The following DHRSX variants were observed in gnomAD, a reference collection of about 807,000 sequenced individuals.
DHRSX encodes dehydrogenase/reductase X-linked.
Under a neutral mutation model 34.0 loss-of-function variants are expected in DHRSX, and 31 were observed. The ratio of observed to expected loss-of-function variants is 0.91; its 90% confidence interval spans 0.69 to 1.23. The LOEUF (loss-of-function observed/expected upper bound fraction) is 1.23. Ranked by LOEUF, DHRSX falls within the 50% of genes most tolerant of loss-of-function variation. The pLI is 0.00. For synonymous variants in DHRSX, 201 were observed against 183.8 expected (o/e 1.09, Z -0.76); for missense variants, 414 against 428.1 (o/e 0.97, Z 0.29).
At position 2,363,338 on chromosome X, in the gene DHRSX, T is replaced by C. The variant is rs866889957; in HGVS notation, c.286+45407A>G. On this transcript the variant is annotated intron_variant, in intron 3 of 6. Transcript: ENST00000334651. The stretch of plus-strand genomic sequence containing the variant: ...TGGTATCATGCCTCCATTTTATCAC[T>C]GTTCTATATCATGCCTCCATTTTAT... 9.4e-4 allele frequency among the ~76,000 whole-genome samples: 131 copies of C among 139,712 alleles called. 3 individuals carry two copies. Among genetic ancestry groups the C allele is most frequent in the East Asian group, 7.0e-3 (25 of 3,582 alleles). 91.7% of individuals were successfully genotyped at this position (139,712 alleles called of 152,430 possible). A position where few individuals can be genotyped will look rare whatever the true frequency, so the allele number is the denominator to read the frequency against.
intron 3 of DHRSX, among the ~76,000 whole-genome samples, chrX:2,322,555 C>CAAAAAAAAAAAAAAAA (rs752649879): frequency 2.4e-5 from 3 of 123,196 alleles, no homozygotes; most frequent in African/African-American, 9.1e-5. Flanking sequence ...AACTCCATCT[C>CAAAAAAAAAAAAAAAA]AAAAAAAAAA....
At chrX:2,410,490 C>A (rs368047990) in intron 2 of DHRSX, among the ~76,000 whole-genome samples, 36 of 152,260 alleles carry the variant, frequency 2.4e-4, no homozygotes, top group African/African-American at 8.2e-4. Flanking sequence ...GCACCGTCCC[C>A]GGGTCTCCAT....
intron 4 of DHRSX, among the ~76,000 whole-genome samples, chrX:2,282,878 A>C (rs2041744186): frequency 7.8e-6 from 1 of 128,618 alleles, no homozygotes; most frequent in Non-Finnish European, 1.6e-5. Flanking sequence ...AGAGGGGGAG[A>C]GAGGGAGGGA....
In DHRSX at chrX:2,470,409, A is replaced by G. The variant is rs778502462; in HGVS notation, c.109+30408T>C. Among the ~76,000 whole-genome samples, 353 of 151,992 alleles carry G rather than the reference A, an allele frequency of 2.3e-3. 6 individuals are homozygous for G. Among genetic ancestry groups the G allele is most frequent in the African/African-American group, 7.2e-3 (300 of 41,456 alleles). ...AAACCCTATCTCTAAACAAATAAAAAAAAAACTGAAAAAATTAACTGGATA... is the reference window on the plus strand; with the variant it reads ...AAACCCTATCTCTAAACAAATAAAAGAAAAACTGAAAAAATTAACTGGATA... On this transcript the variant is annotated intron_variant, in intron 1 of 6. Transcript: ENST00000334651.
At chrX:2,473,681 C>T (rs1337925047) in intron 1 of DHRSX, among the ~76,000 whole-genome samples, 1 of 140,728 alleles carries the variant, frequency 7.1e-6, no homozygotes, top group Non-Finnish European at 1.5e-5. Flanking sequence ...GGACACAAGC[C>T]CCTTCCACCC....
intron 3 of DHRSX, among the ~76,000 whole-genome samples, chrX:2,363,299 T>C (rs1400568969): frequency 6.8e-6 from 1 of 146,460 alleles, no homozygotes; most frequent in Non-Finnish European, 1.5e-5. Context: ...TCATGCCATT[T>C]TATCACCGTT....
chrX:2,272,052 T>G (rs2041563554), intron 4 of DHRSX, among the ~76,000 whole-genome samples: 1 of 151,530 alleles, frequency 6.6e-6, no homozygotes, highest in Non-Finnish European at 1.5e-5. Context: ...CAAAAAAACA[T>G]ACCTGCACCT....
In DHRSX at chrX:2,291,515, G is replaced by A. The variant is rs779369948; in HGVS notation, c.375C>T (p.Val125=). 33 of 1,613,416 alleles carry A rather than the reference G, an allele frequency of 2.0e-5. No homozygotes were observed. Among genetic ancestry groups the A allele is most frequent in the Non-Finnish European group, 2.7e-5 (32 of 1,179,538 alleles). The change falls in exon 4 of 7, where the codon GTC becomes GTT. Residue 125 remains valine (V), a synonymous_variant. Coordinates refer to ENST00000334651, the MANE Select transcript of DHRSX (RefSeq NM_145177.3). ...KFKMKKIPLH[V]LINNAGVMMV... Reference sequence around the variant, plus strand: ...ACCAGGACTCACCATTGTTGATCAGGACATGGAGAGGAATCTTCTTCATCT... The same window carrying A: ...ACCAGGACTCACCATTGTTGATCAGAACATGGAGAGGAATCTTCTTCATCT...
intron 3 of DHRSX, among the ~76,000 whole-genome samples, chrX:2,397,918 T>A (rs1276574279): frequency 7.9e-6 from 1 of 127,032 alleles, no homozygotes; most frequent in African/African-American, 3.4e-5. Context: ...AGTGCCAATA[T>A]CCTCAGAGCG....
chrX:2,498,811 T>C (rs971887020), intron 1 of DHRSX, among the ~76,000 whole-genome samples: 10 of 152,098 alleles, frequency 6.6e-5, no homozygotes, highest in African/African-American at 2.4e-4. Flanking sequence ...CATAATCTTC[T>C]GCGAGACTCC....
intron 1 of DHRSX, chrX:2,489,511 G>A (rs1343134070): frequency 1.3e-5 from 21 of 1,613,216 alleles, no homozygotes; most frequent in Admixed American, 1.7e-5. Flanking sequence ...CCTGCTTGAA[G>A]GGCTGCAGGA....
chrX:2,324,961 A>G (rs1160635635), intron 3 of DHRSX, among the ~76,000 whole-genome samples: 1 of 111,224 alleles, frequency 9.0e-6, no homozygotes, highest in South Asian at 2.8e-4. Flanking sequence ...TTTTTTTTTT[A>G]GTAGAGACGC....
intron 3 of DHRSX, among the ~76,000 whole-genome samples, chrX:2,316,981 G>A (rs1252655827): frequency 3.3e-5 from 5 of 152,044 alleles, no homozygotes; most frequent in Admixed American, 6.6e-5. Flanking sequence ...TTTTTGAGAC[G>A]GAGTCTCCCT....
At position 2,310,544 on chromosome X, in the gene DHRSX, ATGTG is replaced by A. The variant is rs1385229424; in HGVS notation, c.287-18945_287-18942del. Among the ~76,000 whole-genome samples the A allele has an allele frequency of 1.0e-4, 15 of 149,736 alleles. No homozygotes were observed. The Admixed American group carries it at 1.0e-3, about 10-fold the overall frequency. On this transcript the variant is annotated intron_variant, in intron 3 of 6. Coordinates refer to ENST00000334651, the MANE Select transcript of DHRSX (RefSeq NM_145177.3). ...GAGATTATTCTGTGTGTGTGTGTAT[ATGTG>A]TGTGTGTGTGTGTGAGAGAGAGAGA...
intron 3 of DHRSX, among the ~76,000 whole-genome samples, chrX:2,308,698 A>C (rs1299166203): frequency 6.6e-6 from 1 of 152,000 alleles, no homozygotes; most frequent in East Asian, 1.9e-4. Context: ...TATATTTTTC[A>C]AGAATTCCTA....
intron 4 of DHRSX, among the ~76,000 whole-genome samples, chrX:2,272,562 C>T (rs2041571789): frequency 6.6e-6 from 1 of 152,128 alleles, no homozygotes; most frequent in Non-Finnish European, 1.5e-5. Context: ...AATAAGGTCA[C>T]GTGGCCCCTG....
intron 3 of DHRSX, among the ~76,000 whole-genome samples, chrX:2,307,869 C>G (rs907984810): frequency 1.8e-4 from 28 of 151,820 alleles, no homozygotes; most frequent in South Asian, 6.3e-4. Flanking sequence ...CCAGGGTGAT[C>G]TGCGCATAGG....
At chrX:2,264,434 G>T (rs769277591) in intron 5 of DHRSX, among the ~76,000 whole-genome samples, 1 of 151,760 alleles carries the variant, frequency 6.6e-6, no homozygotes, top group African/African-American at 2.4e-5. Context: ...GACTCAGGGA[G>T]CACTGTGCCC....
At chrX:2,475,174 C>A (rs972576403) in intron 1 of DHRSX, among the ~76,000 whole-genome samples, 1 of 151,158 alleles carries the variant, frequency 6.6e-6, no homozygotes, top group African/African-American at 2.4e-5. Context: ...GCTAAGGGAC[C>A]TCCGCCATGT....
Sources: gnomAD v4.1 joint callset for allele counts (sites outside exome capture counted in the v4.1 genomes callset) on GRCh38, gnomAD v4.1.1 for gene constraint, MANE v1.5 for transcripts, NCBI Gene and HGNC (gene_info 2026-07-23, HGNC 2026-07-21) for gene names.